The following TRIOBP variants were observed in gnomAD, a reference collection of about 807,000 sequenced individuals.
TRIOBP encodes the protein TRIO and F-actin binding protein, also known as TRIO and F-actin-binding protein.
In TRIOBP, 169 loss-of-function variants were observed where a neutral mutation model predicts 238.8. The ratio of observed to expected loss-of-function variants is 0.71; its 90% CI spans 0.62 to 0.80. The LOEUF (loss-of-function observed/expected upper bound fraction) is 0.80. Ranked by LOEUF, TRIOBP falls within the 30% of genes least tolerant of loss-of-function variation. The pLI, the probability that TRIOBP is intolerant of heterozygous loss-of-function variation, is 0.00. For missense variants in TRIOBP, 2,838 were observed against 3,122.6 expected (o/e 0.91, Z 2.17); for synonymous variants, 1,150 against 1,274.4 (o/e 0.90, Z 2.08).
At chr22:37,740,200 G>A (rs932232613) in intron 10 of TRIOBP, among the ~76,000 whole-genome samples, 1 of 152,204 alleles carries the variant, frequency 6.6e-6, no homozygotes, top group African/African-American at 2.4e-5. Flanking sequence ...GCAGATTCCA[G>A]AGCGAGGACC....
chr22:37,711,608 A>C (rs1474741001), intron 4 of TRIOBP, among the ~76,000 whole-genome samples: 1 of 149,166 alleles, frequency 6.7e-6, no homozygotes, highest in African/African-American at 2.5e-5. Flanking sequence ...AAAAAAAAAA[A>C]CAAAAAAAAA....
At chr22:37,764,224 G>C (rs1926377770) in intron 17 of TRIOBP, among the ~76,000 whole-genome samples, 1 of 152,202 alleles carries the variant, frequency 6.6e-6, no homozygotes, top group Non-Finnish European at 1.5e-5. Flanking sequence ...CAGATCCTGG[G>C]AGTAAGATGT....
chr22:37,742,257 G>GTTTTTT (rs762341330), intron 11 of TRIOBP, among the ~76,000 whole-genome samples: 3 of 102,774 alleles, frequency 2.9e-5, no homozygotes, highest in Non-Finnish European at 3.7e-5. Context: ...CACGCCAGGC[G>GTTTTTT]TTTTTTTTTT....
chr22:37,713,092 C>T, intron 4 of TRIOBP, 118 bp from the exon 5 acceptor site: 1 of 885,808 alleles, frequency 1.1e-6, no homozygotes, highest in Admixed American at 2.4e-5. Flanking sequence ...CCATTGGCTC[C>T]CTTTCCCACA....
chr22:37,747,663 G>A (rs562210432), intron 11 of TRIOBP, among the ~76,000 whole-genome samples: 4 of 152,352 alleles, frequency 2.6e-5, no homozygotes, highest in African/African-American at 7.2e-5. Flanking sequence ...GGGGCCAGGA[G>A]GAGAGAAGTT....
chr22:37,743,838 T>TGTGCTGG (rs1390921282), intron 11 of TRIOBP, among the ~76,000 whole-genome samples: 11 of 120,310 alleles, frequency 9.1e-5, no homozygotes. Flanking sequence ...TGTGTGTGTG[T>TGTGCTGG]GTGTGTGCTG....
chr22:37,747,511 C>T (rs1156240439), intron 11 of TRIOBP, among the ~76,000 whole-genome samples: 3 of 152,198 alleles, frequency 2.0e-5, no homozygotes, highest in Non-Finnish European at 4.4e-5. Context: ...AGCCCCTGCC[C>T]TGTGAGTGTG....
chr22:37,770,046 C>A (rs1178778530), intron 21 of TRIOBP, among the ~76,000 whole-genome samples: 6 of 136,108 alleles, frequency 4.4e-5, no homozygotes, highest in Non-Finnish European at 9.6e-5. Context: ...TATTTCTTTA[C>A]TTTTTTTTTT....
chr22:37,712,722 C>T (rs1345311561), intron 4 of TRIOBP, among the ~76,000 whole-genome samples: 4 of 151,726 alleles, frequency 2.6e-5, no homozygotes, highest in South Asian at 2.1e-4. Context: ...TTTGGGAGTC[C>T]GAGACGGGCG....
At chr22:37,728,880 T>C (rs1924298774) in intron 7 of TRIOBP, among the ~76,000 whole-genome samples, 1 of 152,176 alleles carries the variant, frequency 6.6e-6, no homozygotes, top group Non-Finnish European at 1.5e-5. Context: ...TGTAACATCA[T>C]GGAGTAGTTT....
rs907902993 is a variant in TRIOBP, at chr22:37,757,512, C to T, written c.5688-101C>T. On this transcript the variant is annotated intron_variant, in intron 15 of 23. Transcript: ENST00000644935. ...TTCCTTCCCTGGGGTCTGTCTCCAGCCCCTGGCACAGGGCCTGGCACACAG... is the reference window on the plus strand; with the variant it reads ...TTCCTTCCCTGGGGTCTGTCTCCAGTCCCTGGCACAGGGCCTGGCACACAG... 7.5e-6 allele frequency: 11 copies of T among 1,472,718 alleles called. No homozygotes were observed. In the African/African-American group the frequency reaches 1.1e-4, roughly 15 times the overall value. 91.2% of individuals were successfully genotyped at this position (1,472,718 alleles called of 1,614,324 possible).
chr22:37,711,033 G>T (rs1165229472), intron 4 of TRIOBP, among the ~76,000 whole-genome samples: 1 of 152,198 alleles, frequency 6.6e-6, no homozygotes, highest in Non-Finnish European at 1.5e-5. Flanking sequence ...CAGGCTCTGG[G>T]GTTCCTTCCA....
At chr22:37,702,586 G>A (rs1283361166) in intron 3 of TRIOBP, among the ~76,000 whole-genome samples, 1 of 149,222 alleles carries the variant, frequency 6.7e-6, no homozygotes, top group Non-Finnish European at 1.5e-5. Context: ...ATGTTAGAGA[G>A]ATGTTAAGAA....
intron 21 of TRIOBP, among the ~76,000 whole-genome samples, chr22:37,769,636 G>A (rs2145882387): frequency 6.6e-6 from 1 of 152,348 alleles, no homozygotes; most frequent in African/African-American, 2.4e-5. Flanking sequence ...TCTGTAAAAT[G>A]GCACCAGCAC....
intron 21 of TRIOBP, among the ~76,000 whole-genome samples, chr22:37,770,130 C>T (rs1235132020): frequency 2.0e-5 from 3 of 149,874 alleles, no homozygotes; most frequent in Admixed American, 1.3e-4. Context: ...CCACAACCTC[C>T]GCCTCCCAGG....
chr22:37,715,872 G>C lies in TRIOBP; in HGVS notation c.566G>C (p.Arg189Thr). Residue 189 changes from arginine to threonine, a missense_variant, in exon 6 of 24, where the codon AGG (arginine) becomes ACG (threonine). By Grantham distance (71) the Arg-to-Thr change is moderately conservative (BLOSUM62 -1). Around this residue, in one of 5 missense-constraint regions of TRIOBP, gnomAD observed 535 missense variants for 537.3 expected, o/e 1.00. Coordinates refer to ENST00000644935, the MANE Select transcript of TRIOBP (RefSeq NM_001039141.3). ...GGGCCGAGAGCTGACAGCTCCCAAA[G>C]GGCTCCGTCTCTCCTCACCAGGTCC... The part of the protein sequence containing the change: ...REGPRADSSQ[R>T]APSLLTRSPV... 1.9e-6 allele frequency: 3 copies of C among 1,613,838 alleles called. No individual in the cohort carries two copies. The highest frequency in any genetic ancestry group is 2.5e-6 in the Non-Finnish European group (3 of 1,179,940).
intron 6 of TRIOBP, among the ~76,000 whole-genome samples, chr22:37,721,024 AT>A (rs11312598): frequency 0.65 from 87,176 of 133,248 alleles, 28,231 homozygotes; most frequent in African/African-American, 0.79. Context: ...CATCCGGCTA[AT>A]TTTTTTTTTT....
rs1459930862 is a variant in TRIOBP at position 37,771,721 on chromosome 22, C to T, written c.6921C>T (p.Leu2307=). 1.2e-6 allele frequency: 2 copies of T among 1,614,026 alleles called. No individual in the cohort carries two copies. Among genetic ancestry groups the T allele is most frequent in the Admixed American group, 1.7e-5 (1 of 59,998 alleles). The change falls in exon 22 of 24, where the codon CTC becomes CTT. Residue 2307 remains leucine (L), a synonymous_variant. Transcript: ENST00000644935. ...AGGTGCAGTGCCTCCGGGACGAGCT[C>T]CAGATGATGCAGAAGGTAGGTCCTT... ...KKEVQCLRDE[L]QMMQKDKRFT...
intron 12 of TRIOBP, among the ~76,000 whole-genome samples, chr22:37,753,234 C>T (rs967623233): frequency 4.6e-5 from 7 of 152,204 alleles, no homozygotes; most frequent in Admixed American, 4.6e-4. Context: ...CGCCGCTCGC[C>T]TCACCAGAAG....
Sources: gnomAD v4.1 joint callset for allele counts (sites outside exome capture counted in the v4.1 genomes callset) on GRCh38, gnomAD v4.1.1 for gene constraint, gnomAD v4.1.1 regional missense constraint, MANE v1.5 for transcripts, NCBI Gene and HGNC (gene_info 2026-07-23, HGNC 2026-07-21) for gene names.